Variants in CHD2 observed in about 807,000 individuals in gnomAD.
The protein encoded by CHD2 is ATP-dependent chromatin remodeler CHD2.
A neutral mutation model predicts 243.9 loss-of-function variants in CHD2; 28 were observed. The observed-to-expected ratio is 0.11, with a 90% CI of 0.09 to 0.16. The LOEUF (loss-of-function observed/expected upper bound fraction) is 0.16. Among genes scored for constraint, CHD2 ranks in the 10% least tolerant of loss-of-function variants. CHD2 has a pLI of 1.00. For synonymous variants in CHD2, 775 were observed against 779.0 expected (o/e 0.99, Z 0.09); for missense variants, 1,386 against 2,209.8 (o/e 0.63, Z 7.47).
In CHD2 at chr15:93,009,189, C is replaced by T. The variant is rs772169751; in HGVS notation, c.4458C>T (p.Leu1486=). The T allele has an allele frequency of 5.1e-5, 82 of 1,614,036 alleles. No homozygotes were observed. The South Asian group carries it at 6.1e-4, about 12-fold the overall frequency. The change falls in exon 35 of 39, where the codon CTC becomes CTT. Residue 1486 remains leucine (L), a synonymous_variant. Coordinates refer to ENST00000394196, the MANE Select transcript of CHD2 (RefSeq NM_001271.4). ...CCGTGAAAAAGGCACTGAAACAGCT[C>T]GACAAACCTGACAAGGGGCTCAACG... ...MRPVKKALKQ[L]DKPDKGLNVQ...
At chr15:92,916,179 T>G (rs1389867549) in intron 2 of CHD2, among the ~76,000 whole-genome samples, 1 of 152,222 alleles carries the variant, frequency 6.6e-6, no homozygotes, top group African/African-American at 2.4e-5. Context: ...CATATTGATG[T>G]CTCATGTCTC....
chr15:92,938,936 A>T, intron 6 of CHD2, among the ~76,000 whole-genome samples: 1 of 152,224 alleles, frequency 6.6e-6, no homozygotes, highest in East Asian at 1.9e-4. Flanking sequence ...AAACTTATGT[A>T]TAGTTACTTC....
At chr15:92,914,191 G>A (rs1435720036) in intron 2 of CHD2, among the ~76,000 whole-genome samples, 4 of 152,222 alleles carry the variant, frequency 2.6e-5, no homozygotes, top group Non-Finnish European at 5.9e-5. Flanking sequence ...TTTAATGGGT[G>A]TAAATACATT....
intron 16 of CHD2, among the ~76,000 whole-genome samples, chr15:92,957,902 A>C (rs77938281): frequency 6.6e-6 from 1 of 152,080 alleles, no homozygotes. Context: ...AGTTTTATAT[A>C]AGTGGAATCC....
intron 2 of CHD2, among the ~76,000 whole-genome samples, chr15:92,923,806 C>T (rs1211827452): frequency 4.6e-5 from 7 of 151,868 alleles, no homozygotes; most frequent in Non-Finnish European, 7.4e-5. Flanking sequence ...CCTCGTGATC[C>T]GCCCGCCTCG....
chr15:92,998,193 TG>T lies in CHD2; in HGVS notation c.3886-303del. Reference sequence around the variant, plus strand: ...CTGGAAGGAGGAAATCCACGACGGCTGGGATGCTCTAGCAGATGAAGCCACA... The same window carrying T: ...CTGGAAGGAGGAAATCCACGACGGCTGGATGCTCTAGCAGATGAAGCCACA... On this transcript the variant is annotated intron_variant, in intron 30 of 38. Coordinates refer to ENST00000394196, the MANE Select transcript of CHD2 (RefSeq NM_001271.4). This position sits in a 1 kb window ranked among gnomAD's most constrained non-coding sequence, Gnocchi z 5.1. The T allele has an allele frequency of 9.5e-7, 1 of 1,058,164 alleles. No homozygotes were observed. Among genetic ancestry groups the T allele is most frequent in the Non-Finnish European group, 1.1e-6 (1 of 875,892 alleles). 65.5% of individuals were successfully genotyped at this position (1,058,164 alleles called of 1,614,324 possible).
chr15:92,950,610 T>C (rs2053540803), intron 13 of CHD2, among the ~76,000 whole-genome samples: 1 of 152,094 alleles, frequency 6.6e-6, no homozygotes, highest in Non-Finnish European at 1.5e-5. Flanking sequence ...AAAAATTAGC[T>C]GGACATGGTG....
At chr15:92,920,382 C>T (rs2052932291) in intron 2 of CHD2, among the ~76,000 whole-genome samples, 2 of 152,032 alleles carry the variant, frequency 1.3e-5, no homozygotes, top group African/African-American at 2.4e-5. Context: ...CTAAATGTAC[C>T]GTTAATAGGG....
Position 93,020,045 on chromosome 15 carries a change from A to G in CHD2, c.4940A>G (p.Asn1647Ser), listed in dbSNP as rs757580823. ...GACTGGCAGAGGGAAAGAAAGTTCA[A>G]CTATGGTGGTGGCAACAACAATCCA... ...RGDWQRERKFNYGGGNNNPPW... is the reference protein window; with the variant it reads ...RGDWQRERKFSYGGGNNNPPW... Residue 1647 changes from asparagine to serine, a missense_variant, in exon 38 of 39, where the codon AAC (asparagine) becomes AGC (serine). By Grantham distance (46) the Asn-to-Ser change is conservative. Transcript: ENST00000394196. 7 of 1,613,908 alleles carry G rather than the reference A, an allele frequency of 4.3e-6. No homozygotes were observed. Among genetic ancestry groups the G allele is most frequent in the Non-Finnish European group, 5.1e-6 (6 of 1,179,916 alleles).
Position 92,998,024 on chromosome 15 carries a change from C to G in CHD2, c.3886-475C>G. The stretch of plus-strand genomic sequence containing the variant: ...CAGCACCCTGCCTTAAGCACTGAGA[C>G]CAGATTCAGTCTGGCAAGAGACCCA... On this transcript the variant is annotated intron_variant, in intron 30 of 38. Coordinates refer to ENST00000394196, the MANE Select transcript of CHD2 (RefSeq NM_001271.4). The surrounding 1 kb of genome is among the most constrained non-coding windows in gnomAD (Gnocchi z 5.1). The G allele has an allele frequency of 4.2e-6, 1 of 235,446 alleles. No homozygotes were observed. Among genetic ancestry groups the G allele is most frequent in the Non-Finnish European group, 7.0e-6 (1 of 142,842 alleles). The allele number at this position is 235,446 out of a possible 1,614,324, so 14.6% of individuals were successfully genotyped here.
intron 37 of CHD2, among the ~76,000 whole-genome samples, chr15:93,016,625 A>C (rs1236538015): frequency 6.6e-6 from 1 of 152,116 alleles, no homozygotes; most frequent in Non-Finnish European, 1.5e-5. Flanking sequence ...CAGTCTCTAC[A>C]AAAGTGTGAA....
chr15:93,007,934 T>A (rs904590231), intron 34 of CHD2, among the ~76,000 whole-genome samples: 1 of 152,242 alleles, frequency 6.6e-6, no homozygotes, highest in South Asian at 2.1e-4. Flanking sequence ...TTACACACTT[T>A]GCTTCGGTGG....
chr15:92,902,928 A>G (rs1313614668), intron 2 of CHD2: 1 of 152,076 alleles, frequency 6.6e-6, no homozygotes, highest in Admixed American at 6.6e-5. Context: ...TTCTTTCAGT[A>G]TTTTTACTCT....
intron 2 of CHD2, among the ~76,000 whole-genome samples, chr15:92,908,681 C>A (rs992147771): frequency 1.3e-5 from 2 of 152,118 alleles, no homozygotes; most frequent in African/African-American, 2.4e-5. Flanking sequence ...TTTTAAATTC[C>A]CTTTTTAGTC....
At position 92,951,118 on chromosome 15, in the gene CHD2, C is replaced by T. The variant is rs1365569240; in HGVS notation, c.1502+2042C>T. ...GGAACAAAGGTGCCGTGTACCCATC[C>T]AGAGTCACATGGTGTTTTGTGTACA... is the stretch of plus-strand genomic sequence containing the variant. On this transcript the variant is annotated intron_variant, in intron 13 of 38. Transcript: ENST00000394196. 1.3e-5 allele frequency among the ~76,000 whole-genome samples: 2 copies of T among 152,156 alleles called. 1 individual carries two copies. Among genetic ancestry groups the T allele is most frequent in the African/African-American group, 4.8e-5 (2 of 41,432 alleles).
chr15:92,996,967 A>AG lies in CHD2; in HGVS notation c.3609dup (p.Lys1204GlufsTer15). The AG allele has an allele frequency of 6.2e-7, 1 of 1,601,044 alleles. No individual in the cohort carries two copies. The highest frequency in any genetic ancestry group is 8.5e-7 in the Non-Finnish European group (1 of 1,176,680). ...ACTGGTATTTTTCAGGAAAAGGACC[A>AG]GGGAAAAGGAGAGGTCCAACAATCA... is the stretch of plus-strand genomic sequence containing the variant. On this transcript the variant is annotated frameshift_variant, in exon 29 of 39. Transcript: ENST00000394196. LOFTEE classifies it high-confidence loss of function.
intron 2 of CHD2, chr15:92,914,878 C>G (rs938454537): frequency 3.3e-5 from 5 of 152,132 alleles, no homozygotes; most frequent in Admixed American, 6.5e-5. Context: ...CAACATAGTA[C>G]AAAAATGTGG....
At chr15:92,933,481 CT>C (rs1472952740) in intron 5 of CHD2, among the ~76,000 whole-genome samples, 3 of 152,112 alleles carry the variant, frequency 2.0e-5, no homozygotes, top group Admixed American at 2.0e-4. Flanking sequence ...AAACATTGAA[CT>C]TTTTTTAACC....
intron 2 of CHD2, among the ~76,000 whole-genome samples, chr15:92,908,966 A>G (rs2052675223): frequency 6.6e-6 from 1 of 152,006 alleles, no homozygotes. Flanking sequence ...TAAAAATACA[A>G]AGATTAGCTG....
Sources: gnomAD v4.1 joint callset for allele counts (sites outside exome capture counted in the v4.1 genomes callset) on GRCh38, gnomAD v4.1.1 for gene constraint, Gnocchi (gnomAD v3.1) non-coding constraint, MANE v1.5 for transcripts, NCBI Gene and HGNC (gene_info 2026-07-23, HGNC 2026-07-21) for gene names.